The following RANBP2 variants were observed in gnomAD, a reference collection of about 807,000 sequenced individuals.
RANBP2 encodes the protein E3 SUMO-protein ligase RanBP2.
Under a neutral mutation model 303.6 loss-of-function variants are expected in RANBP2, and 57 were observed. The ratio of observed to expected loss-of-function variants is 0.19; its 90% CI spans 0.15 to 0.23. The LOEUF (loss-of-function observed/expected upper bound fraction) is 0.23. Ranked by LOEUF, RANBP2 falls within the 10% of genes least tolerant of loss-of-function variation. RANBP2 has a pLI of 1.00. For synonymous variants in RANBP2, 1,167 were observed against 1,301.5 expected, an observed-to-expected ratio of 0.90 and a Z score of 2.23; for missense variants, 3,138 against 3,780.8, an observed-to-expected ratio of 0.83 and a Z score of 4.46.
chr2:109,491,356 C>A, the RANBP2 span, among the ~76,000 whole-genome samples: 1 of 152,192 alleles, frequency 6.6e-6, no homozygotes, highest in Non-Finnish European at 1.5e-5. Context: ...AAGCCTCAAC[C>A]CACTCGGCGT....
rs1677600368 is a variant in RANBP2 at position 108,772,788 on chromosome 2, A to C, written c.8114-80A>C. 2.1e-6 allele frequency: 3 copies of C among 1,460,088 alleles called. No homozygotes were observed. In the African/African-American group the frequency reaches 4.2e-5, roughly 21 times the overall value. The allele number at this position is 1,460,088 out of a possible 1,614,324, so 90.4% of individuals were successfully genotyped here. ...CAGGTCTTGTTACCTGGGTCTGTGG[A>C]TTATGTTGATGACTACCATTGTTGT... On this transcript the variant is annotated intron_variant, in intron 22 of 28. Coordinates refer to ENST00000283195, the MANE Select transcript of RANBP2 (RefSeq NM_006267.5).
chr2:109,359,849 C>T, the RANBP2 span, among the ~76,000 whole-genome samples: 1 of 152,156 alleles, frequency 6.6e-6, no homozygotes, highest in South Asian at 2.1e-4. Context: ...TTCCCCCATG[C>T]AAGCACAACC....
chr2:109,192,792 A>T, the RANBP2 span, among the ~76,000 whole-genome samples: 1 of 152,224 alleles, frequency 6.6e-6, no homozygotes, highest in Non-Finnish European at 1.5e-5. Context: ...AGACGAGTTC[A>T]GACTTTGACA....
rs149149317 is a variant in RANBP2 at position 108,778,761 on chromosome 2, CTG to C, written c.8599+1532_8599+1533del. Among the ~76,000 whole-genome samples, 762 of 152,320 alleles carry C rather than the reference CTG, an allele frequency of 5.0e-3. 4 individuals carry two copies. Among genetic ancestry groups the C allele is most frequent in the South Asian group, 0.021 (102 of 4,830 alleles). On this transcript the variant is annotated intron_variant, in intron 25 of 28. Transcript: ENST00000283195. Reference sequence around the variant, plus strand: ...TTTGTTTTTGAGACAGGATGTCACTCTGTTGCCCAGGCTGGAGTGCAGTGGCA... The same window carrying C: ...TTTGTTTTTGAGACAGGATGTCACTCTTGCCCAGGCTGGAGTGCAGTGGCA...
intron 9 of RANBP2, among the ~76,000 whole-genome samples, chr2:108,750,540 T>C (rs1261465420): frequency 1.3e-5 from 2 of 148,806 alleles, no homozygotes; most frequent in Non-Finnish European, 3.0e-5. Context: ...CTCTTTATGC[T>C]TCCAGAAGCA....
the RANBP2 span, among the ~76,000 whole-genome samples, chr2:109,426,935 G>C: frequency 6.6e-6 from 1 of 151,556 alleles, no homozygotes; most frequent in African/African-American, 2.4e-5. Flanking sequence ...TGAAGGCTCA[G>C]ATGATCATTA....
At chr2:109,041,921 A>C in the RANBP2 span, among the ~76,000 whole-genome samples, 1 of 151,912 alleles carries the variant, frequency 6.6e-6, no homozygotes, top group Non-Finnish European at 1.5e-5. Context: ...TATTCTGTTA[A>C]TGTGGTGAAT....
the RANBP2 span, among the ~76,000 whole-genome samples, chr2:109,316,713 T>G: frequency 1.5e-3 from 234 of 152,238 alleles, no homozygotes; most frequent in Non-Finnish European, 2.8e-3. Context: ...ATTCCACGGG[T>G]TTGGACAAAT....
At chr2:109,627,867 A>G in the RANBP2 span, among the ~76,000 whole-genome samples, 7 of 152,272 alleles carry the variant, frequency 4.6e-5, no homozygotes, top group Middle Eastern at 3.2e-3. Flanking sequence ...TTGTATGACT[A>G]TAACACAATT....
chr2:109,257,415 G>C, the RANBP2 span, among the ~76,000 whole-genome samples: 1 of 151,704 alleles, frequency 6.6e-6, no homozygotes, highest in South Asian at 2.1e-4. Context: ...AGGGAAGGAG[G>C]GAAGGAAGGG....
chr2:109,267,170 T>C, the RANBP2 span, among the ~76,000 whole-genome samples: 4 of 152,142 alleles, frequency 2.6e-5, no homozygotes, highest in Non-Finnish European at 5.9e-5. Context: ...CGATCGGTGA[T>C]TTCCCCATGT....
chr2:108,907,202 CGTT>C, the RANBP2 span, among the ~76,000 whole-genome samples: 1 of 152,128 alleles, frequency 6.6e-6, no homozygotes, highest in South Asian at 2.1e-4. Flanking sequence ...AGAAGAAAAA[CGTT>C]GTGTGTGTGT....
the RANBP2 span, among the ~76,000 whole-genome samples, chr2:109,522,249 C>T: frequency 1.3e-5 from 2 of 151,586 alleles, no homozygotes; most frequent in East Asian, 3.9e-4. Flanking sequence ...TACCAGTGTC[C>T]GGCCCCACCC....
chr2:109,564,305 TAAA>T, the RANBP2 span: 1 of 1,395,762 alleles, frequency 7.2e-7, no homozygotes, highest in East Asian at 2.4e-5. Context: ...CCTGGATATA[TAAA>T]AATATGCAAT....
chr2:109,362,151 T>G, the RANBP2 span, among the ~76,000 whole-genome samples: 4 of 152,202 alleles, frequency 2.6e-5, no homozygotes, highest in Non-Finnish European at 4.4e-5. Flanking sequence ...AAGTGAAGAT[T>G]TAGATTATTT....
the RANBP2 span, among the ~76,000 whole-genome samples, chr2:109,209,534 T>C: frequency 2.2e-4 from 33 of 152,154 alleles, no homozygotes; most frequent in African/African-American, 7.0e-4. Context: ...AACTGTGCAG[T>C]GTGTTATCTG....
chr2:108,926,892 C>A, the RANBP2 span, among the ~76,000 whole-genome samples: 1 of 152,214 alleles, frequency 6.6e-6, no homozygotes, highest in Non-Finnish European at 1.5e-5. Flanking sequence ...TCACACCGGC[C>A]TGCCAAGACT....
At chr2:109,630,025 C>T in the RANBP2 span, among the ~76,000 whole-genome samples, 1 of 152,198 alleles carries the variant, frequency 6.6e-6, no homozygotes, top group African/African-American at 2.4e-5. Flanking sequence ...CACATAACTA[C>T]AGTGCAAGAA....
At chr2:109,585,682 A>C in the RANBP2 span, 1 of 1,348,710 alleles carries the variant, frequency 7.4e-7, no homozygotes, top group Non-Finnish European at 1.1e-6. Flanking sequence ...CACAAGGAAT[A>C]TGAAGGAACA....
Sources: allele counts gnomAD v4.1 joint callset (sites outside exome capture counted in the v4.1 genomes callset), GRCh38; gene constraint gnomAD v4.1.1; transcripts MANE v1.5; gene names NCBI Gene and HGNC (gene_info 2026-07-23, HGNC 2026-07-21).